OSBPL6: variants seen among roughly 807,000 people sequenced by gnomAD.
OSBPL6 encodes oxysterol binding protein like 6.
In OSBPL6, 49 loss-of-function variants were observed where a neutral mutation model predicts 125.8. That is an observed-to-expected ratio of 0.39 (90% CI 0.31 to 0.49). OSBPL6 has a LOEUF of 0.49. Ranked by LOEUF, OSBPL6 falls within the 20% of genes least tolerant of loss-of-function variation. The pLI, the probability that OSBPL6 is intolerant of heterozygous loss-of-function variation, is 0.88. For missense variants in OSBPL6, 986 were observed against 1,135.4 expected (o/e 0.87, Z 1.89); for synonymous variants, 394 against 391.8 (o/e 1.01, Z -0.07).
At chr2:178,324,303 C>A in intron 4 of OSBPL6, 34 bp downstream of exon 4, 2 of 1,449,188 alleles carry the variant, frequency 1.4e-6, no homozygotes, top group Non-Finnish European at 1.9e-6. Flanking sequence ...TCTCTGCTGG[C>A]ATGATGCCTG....
At chr2:178,349,844 A>G (rs144560396) in intron 12 of OSBPL6, among the ~76,000 whole-genome samples, 37 of 152,340 alleles carry the variant, frequency 2.4e-4, no homozygotes, top group Admixed American at 1.0e-3. Context: ...GTCTTTGACT[A>G]GCCCCAGTCA....
At chr2:178,224,655 C>A (rs1034134091) in intron 1 of OSBPL6, among the ~76,000 whole-genome samples, 1 of 152,190 alleles carries the variant, frequency 6.6e-6, no homozygotes, top group East Asian at 1.9e-4. Flanking sequence ...TCAGTTCTGG[C>A]CAGGTGTGGT....
intron 13 of OSBPL6, among the ~76,000 whole-genome samples, chr2:178,367,777 G>T (rs1368486479): frequency 6.6e-6 from 1 of 152,204 alleles, no homozygotes; most frequent in Non-Finnish European, 1.5e-5. Context: ...AGTTTTTAGT[G>T]CAGTCCGAGC....
intron 1 of OSBPL6, among the ~76,000 whole-genome samples, chr2:178,255,107 C>CAGCT (rs1255320960): frequency 1.3e-5 from 2 of 152,208 alleles, no homozygotes; most frequent in Non-Finnish European, 2.9e-5. Context: ...AGTTCAAGAC[C>CAGCT]AGCTAGGCCA....
At chr2:178,243,710 A>G (rs550978028) in intron 1 of OSBPL6, among the ~76,000 whole-genome samples, 2 of 152,122 alleles carry the variant, frequency 1.3e-5, no homozygotes, top group Admixed American at 1.3e-4. Flanking sequence ...CTGGAGTGCA[A>G]TGGCTCAGTC....
At chr2:178,355,660 A>G (rs903743208) in intron 12 of OSBPL6, among the ~76,000 whole-genome samples, 1 of 152,214 alleles carries the variant, frequency 6.6e-6, no homozygotes, top group Non-Finnish European at 1.5e-5. Flanking sequence ...CCAGAGGTAC[A>G]AAGAGGAGCT....
rs749549909 is a variant in OSBPL6, at chr2:178,328,428, G to A, written c.318+50G>A. The A allele has an allele frequency of 3.8e-6, 6 of 1,588,762 alleles. 1 individual carries two copies. The South Asian group carries it at 6.9e-5, about 18-fold the overall frequency. ...TCAGACCATCTTCATAAATAAAGAA[G>A]ATCTTATTTGCTATCATGGGGTGGG... On this transcript the variant is annotated intron_variant, in intron 5 of 24. Transcript: ENST00000190611.
intron 4 of OSBPL6, among the ~76,000 whole-genome samples, chr2:178,326,848 C>A (rs1249570171): frequency 6.6e-6 from 1 of 152,116 alleles, no homozygotes; most frequent in African/African-American, 2.4e-5. Flanking sequence ...TCCAAGCTGT[C>A]ACATCTATGT....
chr2:178,334,512 A>G (rs1689507254), intron 8 of OSBPL6, among the ~76,000 whole-genome samples: 1 of 152,026 alleles, frequency 6.6e-6, no homozygotes, highest in Admixed American at 6.6e-5. Flanking sequence ...TACGTTATTT[A>G]TTTATTTACT....
intron 15 of OSBPL6, among the ~76,000 whole-genome samples, chr2:178,375,312 A>T (rs1693759935): frequency 6.6e-6 from 1 of 152,150 alleles, no homozygotes; most frequent in Non-Finnish European, 1.5e-5. Flanking sequence ...CCCAGGGACC[A>T]CCATGCTGTC....
intron 2 of OSBPL6, among the ~76,000 whole-genome samples, chr2:178,296,113 C>T (rs1004259199): frequency 6.6e-6 from 1 of 152,170 alleles, no homozygotes; most frequent in Admixed American, 6.5e-5. Flanking sequence ...ACTCGGCATA[C>T]CTGCTGCCTG....
At chr2:178,296,797 C>T (rs987875663) in intron 2 of OSBPL6, among the ~76,000 whole-genome samples, 2 of 152,250 alleles carry the variant, frequency 1.3e-5, no homozygotes, top group African/African-American at 2.4e-5. Context: ...AGTGGATTCT[C>T]GGTTATGTCA....
intron 1 of OSBPL6, among the ~76,000 whole-genome samples, chr2:178,274,585 G>T (rs547263311): frequency 1.3e-5 from 2 of 152,194 alleles, no homozygotes; most frequent in South Asian, 4.2e-4. Flanking sequence ...TTGAACCTAG[G>T]CTGTTAGGCC....
intron 1 of OSBPL6, among the ~76,000 whole-genome samples, chr2:178,269,704 T>G (rs1344492432): frequency 6.6e-6 from 1 of 151,994 alleles, no homozygotes; most frequent in Non-Finnish European, 1.5e-5. Context: ...TATTACAGAG[T>G]AGGCTCCAGA....
intron 13 of OSBPL6, among the ~76,000 whole-genome samples, chr2:178,371,131 A>G (rs1484907027): frequency 6.6e-6 from 1 of 152,208 alleles, no homozygotes; most frequent in Non-Finnish European, 1.5e-5. Context: ...ATATCTTTAC[A>G]TCTTCTAATC....
At chr2:178,339,989 G>C (rs1043995482) in intron 11 of OSBPL6, among the ~76,000 whole-genome samples, 5 of 152,016 alleles carry the variant, frequency 3.3e-5, no homozygotes, top group Admixed American at 3.3e-4. Flanking sequence ...TGCGATATGT[G>C]TTCAAAATGG....
At chr2:178,320,549 T>A in intron 3 of OSBPL6, 1 of 782,622 alleles carries the variant, frequency 1.3e-6, no homozygotes, top group Non-Finnish European at 2.0e-6. Context: ...CTTGCTTACA[T>A]AATGTGTGTA....
At chr2:178,313,755 G>A (rs1416581409) in intron 3 of OSBPL6, among the ~76,000 whole-genome samples, 1 of 152,118 alleles carries the variant, frequency 6.6e-6, no homozygotes, top group Non-Finnish European at 1.5e-5. Flanking sequence ...CAACAGCAAT[G>A]CATTTCAAAA....
In OSBPL6 at chr2:178,231,818, A is replaced by AAAAC. The variant is rs527808268; in HGVS notation, c.-351+37161_-351+37164dup. The stretch of plus-strand genomic sequence containing the variant: ...TGCACTGCTGTGTCCCTCTAATTAA[A>AAAAC]AAACAAACAAACAAACAAACCTTTT... On this transcript the variant is annotated intron_variant, in intron 1 of 24. Transcript: ENST00000190611. Among the ~76,000 whole-genome samples the AAAAC allele has an allele frequency of 2.3e-3, 346 of 152,038 alleles. 2 individuals are homozygous for AAAAC. The highest frequency in any genetic ancestry group is 4.2e-3 in the Non-Finnish European group (283 of 67,956).
Sources: allele counts gnomAD v4.1 joint callset (sites outside exome capture counted in the v4.1 genomes callset), GRCh38; gene constraint gnomAD v4.1.1; transcripts MANE v1.5; gene names NCBI Gene and HGNC (gene_info 2026-07-23, HGNC 2026-07-21).